Variants in GLT1D1 observed in about 807,000 individuals in gnomAD.
GLT1D1 encodes glycosyltransferase 1 domain containing 1.
A neutral mutation model predicts 28.7 loss-of-function variants in GLT1D1; 21 were observed. That is an observed-to-expected ratio of 0.73 (90% confidence interval 0.52 to 1.05). The LOEUF is 1.05. Among genes scored for constraint, GLT1D1 ranks in the 50% least tolerant of loss-of-function variants. The pLI is 0.00. For missense variants in GLT1D1, 343 were observed against 330.6 expected, an observed-to-expected ratio of 1.04 and a Z score of -0.29; for synonymous variants, 147 against 124.8, an observed-to-expected ratio of 1.18 and a Z score of -1.19.
At chr12:128,958,675 G>A (rs1241570623) in intron 7 of GLT1D1, among the ~76,000 whole-genome samples, 2 of 141,916 alleles carry the variant, frequency 1.4e-5, no homozygotes, top group South Asian at 2.3e-4. Flanking sequence ...ACTTGAACTC[G>A]GGAGATGGAG....
At chr12:128,913,913 G>T (rs535497319) in intron 4 of GLT1D1, among the ~76,000 whole-genome samples, 1 of 152,294 alleles carries the variant, frequency 6.6e-6, no homozygotes, top group South Asian at 2.1e-4. Flanking sequence ...GGCCTTTAAG[G>T]GTTACAGTGG....
At chr12:128,930,849 C>T (rs566526275) in intron 4 of GLT1D1, among the ~76,000 whole-genome samples, 40 of 152,252 alleles carry the variant, frequency 2.6e-4, no homozygotes, top group African/African-American at 9.1e-4. Context: ...AGCTGCCTGC[C>T]GGTGAGGGAG....
Position 128,940,930 on chromosome 12 carries a change from C to A in GLT1D1, c.376-4396C>A, listed in dbSNP as rs1011930391. Among the ~76,000 whole-genome samples the A allele has an allele frequency of 4.6e-5, 7 of 152,302 alleles. No individual in the cohort carries two copies. In the East Asian group the frequency reaches 9.6e-4, roughly 21 times the overall value. ...TATTTTTTCTCTCCCCAAGAGGATA[C>A]CCTCTATCCACTAAGCAGTCACTTC... On this transcript the variant is annotated intron_variant, in intron 4 of 7. Transcript: ENST00000281703.
At chr12:128,970,902 G>C (rs1276547213) in intron 7 of GLT1D1, among the ~76,000 whole-genome samples, 1 of 152,188 alleles carries the variant, frequency 6.6e-6, no homozygotes, top group Non-Finnish European at 1.5e-5. Context: ...GCTGTCCCTC[G>C]CAGGGACTCT....
chr12:128,965,812 T>G (rs1044421273), intron 7 of GLT1D1, among the ~76,000 whole-genome samples: 1 of 151,908 alleles, frequency 6.6e-6, no homozygotes, highest in Admixed American at 6.6e-5. Flanking sequence ...GGAGGACCGC[T>G]TTAGCCTGGG....
At chr12:128,944,724 G>T in intron 4 of GLT1D1, 1 of 610,230 alleles carries the variant, frequency 1.6e-6, no homozygotes, top group East Asian at 3.5e-5. Flanking sequence ...TTCCTGAAGG[G>T]CCACGCCAAG....
At chr12:128,878,429 C>T (rs1956924936) in intron 2 of GLT1D1, among the ~76,000 whole-genome samples, 1 of 152,276 alleles carries the variant, frequency 6.6e-6, no homozygotes, top group East Asian at 1.9e-4. Flanking sequence ...TTTTAGAATG[C>T]TTGTCTCTGT....
intron 3 of GLT1D1, among the ~76,000 whole-genome samples, chr12:128,898,062 T>A (rs1269173600): frequency 1.3e-5 from 2 of 152,214 alleles, no homozygotes; most frequent in Non-Finnish European, 2.9e-5. Flanking sequence ...AACACTGTTT[T>A]AATTGTTATA....
intron 4 of GLT1D1, among the ~76,000 whole-genome samples, chr12:128,938,029 C>A (rs1874742057): frequency 1.3e-5 from 2 of 152,150 alleles, no homozygotes; most frequent in African/African-American, 4.8e-5. Context: ...AGCTTATGAA[C>A]TATATCTGAG....
chr12:128,872,009 T>G (rs1956700584), intron 1 of GLT1D1, among the ~76,000 whole-genome samples: 1 of 152,216 alleles, frequency 6.6e-6, no homozygotes, highest in African/African-American at 2.4e-5. Flanking sequence ...TGGAGTGCAG[T>G]GGCGCGATCT....
rs111310173 is a variant in GLT1D1, at chr12:128,886,907, T to G, written c.218-1732T>G. On this transcript the variant is annotated intron_variant, in intron 2 of 7. Coordinates refer to ENST00000281703, the MANE Select transcript of GLT1D1 (RefSeq NM_144669.3). ...TGAACCACCTCTACTGGGCGGGCGTTTCTATGTCTCTCTGTGTTTTTGGAA... is the reference window on the plus strand; with the variant it reads ...TGAACCACCTCTACTGGGCGGGCGTGTCTATGTCTCTCTGTGTTTTTGGAA... Among the ~76,000 whole-genome samples the G allele has an allele frequency of 5.4e-3, 825 of 152,220 alleles. 4 individuals carry two copies. Among genetic ancestry groups the G allele is most frequent in the African/African-American group, 0.019 (779 of 41,548 alleles).
At chr12:128,932,738 C>G (rs952849622) in intron 4 of GLT1D1, among the ~76,000 whole-genome samples, 1 of 152,134 alleles carries the variant, frequency 6.6e-6, no homozygotes, top group Non-Finnish European at 1.5e-5. Context: ...CGCCGGTCTT[C>G]AGCCTCGGGG....
intron 7 of GLT1D1, among the ~76,000 whole-genome samples, chr12:128,975,477 G>T (rs566973658): frequency 2.0e-5 from 3 of 152,206 alleles, no homozygotes; most frequent in East Asian, 1.9e-4. Flanking sequence ...TTGAGACGGG[G>T]TCTCACTCTG....
intron 7 of GLT1D1, among the ~76,000 whole-genome samples, chr12:128,981,982 G>T (rs1880360159): frequency 6.6e-6 from 1 of 152,132 alleles, no homozygotes; most frequent in Admixed American, 6.5e-5. Flanking sequence ...GTAACGACTG[G>T]TCCCCTCCTC....
chr12:128,895,757 C>G (rs1222949082), intron 3 of GLT1D1, among the ~76,000 whole-genome samples: 1 of 152,048 alleles, frequency 6.6e-6, no homozygotes, highest in Non-Finnish European at 1.5e-5. Flanking sequence ...CCGCTTCCGG[C>G]CTTACAGATG....
chr12:128,958,027 G>A (rs751815007), intron 7 of GLT1D1, among the ~76,000 whole-genome samples: 8 of 152,244 alleles, frequency 5.3e-5, no homozygotes, highest in Non-Finnish European at 8.8e-5. Flanking sequence ...TGAAACAAAC[G>A]CACAAAGTAT....
At chr12:128,925,820 T>C (rs1873145229) in intron 4 of GLT1D1, among the ~76,000 whole-genome samples, 1 of 152,186 alleles carries the variant, frequency 6.6e-6, no homozygotes. Context: ...CAGCAAAAGT[T>C]GCATTTTACA....
At chr12:128,883,629 G>A (rs1018851041) in intron 2 of GLT1D1, among the ~76,000 whole-genome samples, 1 of 151,164 alleles carries the variant, frequency 6.6e-6, no homozygotes, top group Non-Finnish European at 1.5e-5. Flanking sequence ...GCCAAGTTTA[G>A]GAAGCTATGA....
chr12:128,948,939 T>A (rs551175407), intron 6 of GLT1D1, among the ~76,000 whole-genome samples: 1 of 152,324 alleles, frequency 6.6e-6, no homozygotes, highest in Admixed American at 6.5e-5. Flanking sequence ...GAATCTGCTG[T>A]TAGGTGCTTT....
Sources: gnomAD v4.1 joint callset for allele counts (sites outside exome capture counted in the v4.1 genomes callset) on GRCh38, gnomAD v4.1.1 for gene constraint, MANE v1.5 for transcripts, NCBI Gene and HGNC (gene_info 2026-07-23, HGNC 2026-07-21) for gene names.